Variants in ITPR2 observed in about 807,000 individuals in gnomAD.
ITPR2 encodes the protein inositol 1,4,5-trisphosphate receptor type 2.
In ITPR2, 207 loss-of-function variants were observed where a neutral mutation model predicts 317.1. The ratio of observed to expected loss-of-function variants is 0.65; its 90% CI spans 0.58 to 0.73. The LOEUF is 0.73. Among genes scored for constraint, ITPR2 ranks in the 30% least tolerant of loss-of-function variants. ITPR2 has a pLI of 0.00. For synonymous variants in ITPR2, 1,156 were observed against 1,149.1 expected, an observed-to-expected ratio of 1.01 and a Z score of -0.12; for missense variants, 2,613 against 3,284.0, an observed-to-expected ratio of 0.80 and a Z score of 4.99.
At chr12:26,563,905 T>A (rs55861094) in intron 34 of ITPR2, among the ~76,000 whole-genome samples, 28,653 of 152,058 alleles carry the variant, frequency 0.19, 3,030 homozygotes, top group Non-Finnish European at 0.24. Context: ...ACACACCACC[T>A]AGGATCACAA....
At chr12:26,811,392 C>T (rs908649850) in intron 1 of ITPR2, among the ~76,000 whole-genome samples, 3 of 151,592 alleles carry the variant, frequency 2.0e-5, no homozygotes, top group Non-Finnish European at 3.0e-5. Context: ...AGGCGGATCA[C>T]GAGGTCAGGA....
intron 34 of ITPR2, among the ~76,000 whole-genome samples, chr12:26,569,445 T>G (rs1945096945): frequency 6.6e-6 from 1 of 151,346 alleles, no homozygotes; most frequent in Non-Finnish European, 1.5e-5. Context: ...TCCCAGCTAC[T>G]CGGGAGACTG....
At chr12:26,577,075 G>A (rs1309525466) in intron 34 of ITPR2, among the ~76,000 whole-genome samples, 1 of 152,090 alleles carries the variant, frequency 6.6e-6, no homozygotes, top group Non-Finnish European at 1.5e-5. Context: ...CCAGATGCAC[G>A]CCTCTCCATC....
At chr12:26,705,472 A>T (rs1948532942) in intron 9 of ITPR2, among the ~76,000 whole-genome samples, 3 of 152,012 alleles carry the variant, frequency 2.0e-5, no homozygotes, top group African/African-American at 7.3e-5. Flanking sequence ...TAATTTCCTC[A>T]TGATTCTACC....
chr12:26,776,873 T>C (rs1949981883), intron 2 of ITPR2, among the ~76,000 whole-genome samples: 1 of 152,288 alleles, frequency 6.6e-6, no homozygotes, highest in Admixed American at 6.5e-5. Flanking sequence ...TAGACTAAAG[T>C]CCTAGCAGGC....
rs1450677827 is a variant in ITPR2, at chr12:26,337,505, G to A, written c.*1892C>T. ...TTGATGATCCTGGATTTTAAAGATGGCTGCTTTAGTCTACTTTGATTTTGG... is the reference window on the plus strand; with the variant it reads ...TTGATGATCCTGGATTTTAAAGATGACTGCTTTAGTCTACTTTGATTTTGG... On this transcript the variant is annotated 3_prime_UTR_variant, in exon 57 of 57. Transcript: ENST00000381340. 1 of 152,052 alleles carries A rather than the reference G, an allele frequency of 6.6e-6. No homozygotes were observed. The highest frequency in any genetic ancestry group is 1.5e-5 in the Non-Finnish European group (1 of 68,014). The allele number at this position is 152,052 out of a possible 1,614,324, so 9.4% of individuals were successfully genotyped here. A position where few individuals can be genotyped will look rare whatever the true frequency, so the allele number is the denominator to read the frequency against.
At chr12:26,627,971 A>T (rs1461088910) in intron 23 of ITPR2, 62 bp downstream of exon 23, 13 of 1,351,792 alleles carry the variant, frequency 9.6e-6, no homozygotes, top group African/African-American at 1.5e-5. Flanking sequence ...AAAATATGAT[A>T]GGTACTTTCA....
At chr12:26,644,065 CA>C (rs1318257307) in intron 21 of ITPR2, among the ~76,000 whole-genome samples, 1 of 152,068 alleles carries the variant, frequency 6.6e-6, no homozygotes, top group African/African-American at 2.4e-5. Context: ...ACCTACTGTC[CA>C]AAACAATGGA....
intron 9 of ITPR2, among the ~76,000 whole-genome samples, chr12:26,707,050 T>C (rs185582604): frequency 1.6e-4 from 24 of 152,284 alleles, no homozygotes; most frequent in Middle Eastern, 6.8e-3. Context: ...CCAGATTCTC[T>C]CACTGGAATA....
intron 37 of ITPR2, among the ~76,000 whole-genome samples, chr12:26,527,202 T>C (rs1007002129): frequency 6.6e-6 from 1 of 152,186 alleles, no homozygotes; most frequent in Non-Finnish European, 1.5e-5. Flanking sequence ...ATAGGGTACA[T>C]TTATATTATT....
intron 2 of ITPR2, among the ~76,000 whole-genome samples, chr12:26,779,452 T>C (rs914103483): frequency 6.6e-6 from 1 of 152,226 alleles, no homozygotes; most frequent in Non-Finnish European, 1.5e-5. Flanking sequence ...TAAATGTGAC[T>C]GGGCTCTAGC....
At chr12:26,469,451 T>G (rs946484231) in intron 45 of ITPR2, among the ~76,000 whole-genome samples, 1 of 152,108 alleles carries the variant, frequency 6.6e-6, no homozygotes, top group African/African-American at 2.4e-5. Context: ...CATGGTATCC[T>G]GCTGGCTTTT....
chr12:26,364,679 GC>G (rs1420131179), intron 55 of ITPR2, among the ~76,000 whole-genome samples: 18 of 152,212 alleles, frequency 1.2e-4, no homozygotes, highest in Admixed American at 5.2e-4. Flanking sequence ...TTATAATCTG[GC>G]GTCTCAGGGA....
intron 1 of ITPR2, among the ~76,000 whole-genome samples, chr12:26,825,302 A>G (rs987533269): frequency 1.3e-5 from 2 of 152,232 alleles, no homozygotes; most frequent in African/African-American, 4.8e-5. Context: ...ATGTCTGGTT[A>G]TAACGCAGTG....
chr12:26,829,514 A>G (rs1410702519), intron 1 of ITPR2, among the ~76,000 whole-genome samples: 2 of 151,970 alleles, frequency 1.3e-5, no homozygotes, highest in Non-Finnish European at 2.9e-5. Context: ...CTAATTTTTT[A>G]TATTTTTTGT....
chr12:26,371,948 A>T (rs1005986593), intron 55 of ITPR2, among the ~76,000 whole-genome samples: 2 of 152,182 alleles, frequency 1.3e-5, no homozygotes, highest in African/African-American at 4.8e-5. Flanking sequence ...TCTACATAAA[A>T]GTCATCAATG....
chr12:26,585,142 C>T (rs781703697), intron 32 of ITPR2, among the ~76,000 whole-genome samples: 3 of 151,918 alleles, frequency 2.0e-5, no homozygotes, highest in African/African-American at 7.3e-5. Context: ...ACTTATAATC[C>T]TATAATTCAG....
intron 48 of ITPR2, among the ~76,000 whole-genome samples, chr12:26,429,343 C>T (rs1412933625): frequency 6.6e-6 from 1 of 152,122 alleles, no homozygotes; most frequent in East Asian, 1.9e-4. Flanking sequence ...TTCTCCCTCA[C>T]CAAATTTATA....
intron 55 of ITPR2, among the ~76,000 whole-genome samples, chr12:26,352,086 G>C (rs1938500581): frequency 6.6e-6 from 1 of 152,146 alleles, no homozygotes; most frequent in South Asian, 2.1e-4. Context: ...CATTACTGTG[G>C]GGTCCTGATG....
Sources: allele counts gnomAD v4.1 joint callset (sites outside exome capture counted in the v4.1 genomes callset), GRCh38; gene constraint gnomAD v4.1.1; transcripts MANE v1.5; gene names NCBI Gene and HGNC (gene_info 2026-07-23, HGNC 2026-07-21).